The following ARHGAP44 variants were observed in gnomAD, a reference collection of about 807,000 sequenced individuals.
The protein encoded by ARHGAP44 is rho GTPase-activating protein 44.
ARHGAP44 carries 43 observed loss-of-function variants against 106.8 expected under a neutral mutation model. The observed-to-expected ratio is 0.40, with a 90% CI of 0.32 to 0.52. The LOEUF (loss-of-function observed/expected upper bound fraction) is 0.52. Ranked by LOEUF, ARHGAP44 falls within the 20% of genes least tolerant of loss-of-function variation. ARHGAP44 has a pLI of 0.48. For synonymous variants in ARHGAP44, 439 were observed against 410.3 expected, an observed-to-expected ratio of 1.07 and a Z score of -0.85; for missense variants, 866 against 1,050.5, an observed-to-expected ratio of 0.82 and a Z score of 2.43.
chr17:12,894,567 T>C (rs1229016357), intron 1 of ARHGAP44, among the ~76,000 whole-genome samples: 1 of 152,208 alleles, frequency 6.6e-6, no homozygotes, highest in Non-Finnish European at 1.5e-5. Flanking sequence ...TTGTTGTTAA[T>C]TGATCCTTTC....
intron 15 of ARHGAP44, among the ~76,000 whole-genome samples, chr17:12,957,344 C>A (rs1337842932): frequency 6.6e-6 from 1 of 152,176 alleles, no homozygotes; most frequent in Non-Finnish European, 1.5e-5. Flanking sequence ...GGTCTAATAT[C>A]CATACCATAG....
intron 5 of ARHGAP44, among the ~76,000 whole-genome samples, chr17:12,919,387 C>T (rs373327001): frequency 1.8e-4 from 25 of 136,090 alleles, no homozygotes; most frequent in African/African-American, 2.5e-4. Context: ...AATAGTTCTT[C>T]TTTTTTTTTT....
At chr17:12,886,318 C>T (rs1407823180) in intron 1 of ARHGAP44, among the ~76,000 whole-genome samples, 1 of 152,004 alleles carries the variant, frequency 6.6e-6, no homozygotes, top group Admixed American at 6.6e-5. Flanking sequence ...TTCCTTTGTA[C>T]TTTCGTATCA....
intron 1 of ARHGAP44, among the ~76,000 whole-genome samples, chr17:12,860,003 C>T (rs1049053873): frequency 7.2e-5 from 11 of 152,070 alleles, no homozygotes; most frequent in Admixed American, 2.0e-4. Context: ...TACCTGGCTC[C>T]GTGGAGATTA....
intron 16 of ARHGAP44, among the ~76,000 whole-genome samples, chr17:12,972,300 C>T (rs897532663): frequency 2.6e-5 from 4 of 152,174 alleles, no homozygotes; most frequent in Non-Finnish European, 5.9e-5. Flanking sequence ...GCAGCAGTAC[C>T]TCCTAGACCA....
At chr17:12,942,435 C>T (rs935214318) in intron 8 of ARHGAP44, among the ~76,000 whole-genome samples, 6 of 152,124 alleles carry the variant, frequency 3.9e-5, no homozygotes, top group African/African-American at 4.8e-5. Flanking sequence ...CGTGAGCCAC[C>T]GTCCCTGGTG....
At chr17:12,969,146 T>C (rs2039465310) in intron 16 of ARHGAP44, among the ~76,000 whole-genome samples, 1 of 152,178 alleles carries the variant, frequency 6.6e-6, no homozygotes, top group Non-Finnish European at 1.5e-5. Context: ...GGAAGAAATC[T>C]GATGAGAAAC....
intron 19 of ARHGAP44, 27 bp from the exon 20 acceptor site, chr17:12,984,501 TTTG>T (rs774167090): frequency 2.6e-5 from 39 of 1,502,434 alleles, no homozygotes; most frequent in Middle Eastern, 4.8e-4. Context: ...AACTTTGTGT[TTTG>T]TTGTTGTGTT....
At chr17:12,825,257 C>T (rs1338996512) in intron 1 of ARHGAP44, among the ~76,000 whole-genome samples, 5 of 151,998 alleles carry the variant, frequency 3.3e-5, no homozygotes, top group African/African-American at 4.8e-5. Flanking sequence ...AGGCTGGTCT[C>T]GATCTCCTGG....
intron 16 of ARHGAP44, among the ~76,000 whole-genome samples, chr17:12,961,401 ATTG>A (rs760999422): frequency 1.3e-5 from 2 of 152,346 alleles, no homozygotes; most frequent in East Asian, 3.9e-4. Flanking sequence ...TACATAATGT[ATTG>A]TTGTACATAA....
chr17:12,971,154 T>A (rs1288053399), intron 16 of ARHGAP44, among the ~76,000 whole-genome samples: 2 of 152,174 alleles, frequency 1.3e-5, no homozygotes, highest in African/African-American at 4.8e-5. Context: ...GTTGAACCCA[T>A]ATTTCTCAGT....
chr17:12,846,802 T>G (rs887343367), intron 1 of ARHGAP44, among the ~76,000 whole-genome samples: 2 of 152,202 alleles, frequency 1.3e-5, no homozygotes, highest in African/African-American at 4.8e-5. Context: ...GTGGAATCCT[T>G]TTATTGTTTA....
intron 1 of ARHGAP44, among the ~76,000 whole-genome samples, chr17:12,849,614 A>G (rs1050730209): frequency 1.0e-5 from 1 of 95,578 alleles, no homozygotes; most frequent in African/African-American, 4.7e-5. Context: ...CAGCGTTTTC[A>G]CCTTGGATGT....
rs2037163966 is a variant in ARHGAP44, at chr17:12,895,106, G to A, written c.93+127G>A. On this transcript the variant is annotated intron_variant, in intron 2 of 20. Coordinates refer to ENST00000379672, the MANE Select transcript of ARHGAP44 (RefSeq NM_014859.6). Reference sequence around the variant, plus strand: ...GGATCGTGCCACTACACTCCAGCCTGGCGATACAGCGAGACTCTGTCTCAA... The same window carrying A: ...GGATCGTGCCACTACACTCCAGCCTAGCGATACAGCGAGACTCTGTCTCAA... The A allele has an allele frequency of 6.3e-6, 5 of 788,468 alleles. No homozygotes were observed. In the South Asian group the frequency reaches 8.6e-5, roughly 14 times the overall value. The allele number at this position is 788,468 out of a possible 1,614,324, so 48.8% of individuals were successfully genotyped here.
At chr17:12,984,976 T>C in intron 20 of ARHGAP44, 68 bp downstream of exon 20, 1 of 1,520,660 alleles carries the variant, frequency 6.6e-7, no homozygotes, top group South Asian at 1.3e-5. Context: ...GGGGAGGGAT[T>C]GCTAGTGTTA....
chr17:12,854,025 C>G (rs188046970), intron 1 of ARHGAP44, among the ~76,000 whole-genome samples: 15 of 152,288 alleles, frequency 9.8e-5, no homozygotes, highest in African/African-American at 2.9e-4. Flanking sequence ...ATGCCTCAGT[C>G]TCCCCAAGGC....
chr17:12,987,322 G>T, intron 20 of ARHGAP44: 1 of 562,206 alleles, frequency 1.8e-6, no homozygotes, highest in South Asian at 3.1e-5. Context: ...GAGCTTATTT[G>T]GCTTTGGGGC....
chr17:12,984,367 C>A, intron 19 of ARHGAP44, 164 bp from the exon 20 acceptor site: 1 of 562,642 alleles, frequency 1.8e-6, no homozygotes, highest in Non-Finnish European at 2.7e-6. Flanking sequence ...TGGCTGCTGT[C>A]AATGTGGCAA....
At chr17:12,891,362 A>G (rs2037039823) in intron 1 of ARHGAP44, among the ~76,000 whole-genome samples, 1 of 152,190 alleles carries the variant, frequency 6.6e-6, no homozygotes, top group Non-Finnish European at 1.5e-5. Context: ...CGCAGTTCTG[A>G]AGGCTGGGAA....
Sources: gnomAD v4.1 joint callset for allele counts (sites outside exome capture counted in the v4.1 genomes callset) on GRCh38, gnomAD v4.1.1 for gene constraint, MANE v1.5 for transcripts, NCBI Gene and HGNC (gene_info 2026-07-23, HGNC 2026-07-21) for gene names.